ASAP1: variants seen among roughly 807,000 people sequenced by gnomAD.
ASAP1 encodes the protein arf-GAP with SH3 domain, ANK repeat and PH domain-containing protein 1.
ASAP1 carries 43 observed loss-of-function variants against 145.2 expected under a neutral mutation model. The ratio of observed to expected loss-of-function variants is 0.30; its 90% CI spans 0.23 to 0.38. The LOEUF is 0.38. ASAP1 is among the 10% of genes least tolerant of loss of function. ASAP1 has a pLI of 1.00. For synonymous variants in ASAP1, 546 were observed against 515.5 expected, an observed-to-expected ratio of 1.06 and a Z score of -0.80; for missense variants, 1,018 against 1,355.3, an observed-to-expected ratio of 0.75 and a Z score of 3.91.
At chr8:130,254,411 C>T (rs956290283) in intron 3 of ASAP1, among the ~76,000 whole-genome samples, 2 of 152,128 alleles carry the variant, frequency 1.3e-5, no homozygotes, top group Non-Finnish European at 2.9e-5. Flanking sequence ...TGTTATGGTA[C>T]TAATTCAAAG....
chr8:130,214,643 A>C lies in ASAP1; in HGVS notation c.318T>G (p.Phe106Leu). Residue 106 changes from phenylalanine to leucine, a missense_variant, in exon 5 of 30, where the codon TTT (phenylalanine) becomes TTG (leucine). This residue lies in a region of ASAP1 where 106 missense variants were observed against 134.5 expected (regional missense o/e 0.79). Coordinates refer to ENST00000518721, the MANE Select transcript of ASAP1 (RefSeq NM_018482.4). Reference sequence around the variant, plus strand: ...CAAGGTCGGGGTTGTCTCGACTTAAAAAATTACTCCCAAACTTATCAAGAA... The same window carrying C: ...CAAGGTCGGGGTTGTCTCGACTTAACAAATTACTCCCAAACTTATCAAGAA... ...AQVLDKFGSN[F>L]LSRDNPDLGT... is the part of the protein sequence containing the mutation. 6.2e-7 allele frequency: 1 copy of C among 1,612,020 alleles called. No individual in the cohort carries two copies. Among genetic ancestry groups the C allele is most frequent in the Non-Finnish European group, 8.5e-7 (1 of 1,178,814 alleles).
At chr8:130,214,939 C>G (rs1379148561) in intron 4 of ASAP1, among the ~76,000 whole-genome samples, 1 of 151,858 alleles carries the variant, frequency 6.6e-6, no homozygotes, top group Non-Finnish European at 1.5e-5. Context: ...CTCACTCTGT[C>G]TCCCAGGCTG....
intron 13 of ASAP1, among the ~76,000 whole-genome samples, chr8:130,142,803 C>T (rs560617559): frequency 1.3e-5 from 2 of 152,130 alleles, no homozygotes; most frequent in South Asian, 4.2e-4. Context: ...AAGAAACTCA[C>T]ATTCCTATCC....
At chr8:130,368,593 G>A (rs1431839309) in intron 2 of ASAP1, among the ~76,000 whole-genome samples, 3 of 152,194 alleles carry the variant, frequency 2.0e-5, no homozygotes, top group Non-Finnish European at 2.9e-5. Context: ...ACTAGAACAG[G>A]CATTTAACTC....
chr8:130,164,666 A>G (rs2097676353), intron 11 of ASAP1, among the ~76,000 whole-genome samples: 1 of 152,236 alleles, frequency 6.6e-6, no homozygotes, highest in Non-Finnish European at 1.5e-5. Flanking sequence ...TTAAGCTATT[A>G]CAAAAGCTTA....
At chr8:130,220,786 A>ATC (rs1565104070) in intron 4 of ASAP1, among the ~76,000 whole-genome samples, 1 of 152,178 alleles carries the variant, frequency 6.6e-6, no homozygotes, top group Non-Finnish European at 1.5e-5. Context: ...CAGGAAACTT[A>ATC]GAGTCATGGT....
chr8:130,435,334 G>A (rs1266495345), intron 1 of ASAP1, among the ~76,000 whole-genome samples: 1 of 152,230 alleles, frequency 6.6e-6, no homozygotes, highest in African/African-American at 2.4e-5. Context: ...TCAAGCACAT[G>A]CATTTTCTTT....
intron 2 of ASAP1, among the ~76,000 whole-genome samples, chr8:130,391,407 G>A (rs1828279093): frequency 1.3e-5 from 2 of 152,158 alleles, no homozygotes; most frequent in Admixed American, 1.3e-4. Flanking sequence ...CCACTGAATT[G>A]TTCTTAAAAA....
intron 3 of ASAP1, among the ~76,000 whole-genome samples, chr8:130,237,568 T>C (rs764742998): frequency 6.6e-6 from 1 of 151,990 alleles, no homozygotes; most frequent in Non-Finnish European, 1.5e-5. Flanking sequence ...AAAAAACAGG[T>C]TGGAAAATGC....
chr8:130,191,827 G>A (rs1433454212), intron 5 of ASAP1, among the ~76,000 whole-genome samples: 1 of 152,168 alleles, frequency 6.6e-6, no homozygotes, highest in East Asian at 1.9e-4. Context: ...GCTAAATATG[G>A]ATAAGATAAT....
Position 130,167,627 on chromosome 8 carries a change from G to A in ASAP1, c.823-5C>T, listed in dbSNP as rs1565042337. The A allele has an allele frequency of 2.5e-6, 4 of 1,586,518 alleles. No homozygotes were observed. Among genetic ancestry groups the A allele is most frequent in the African/African-American group, 1.4e-5 (1 of 73,798 alleles). ...TTCATCCTGGGTCTGTTTTATCTATGAAAAAAAAATTACTTCTATTACTTA... is the reference window on the plus strand; with the variant it reads ...TTCATCCTGGGTCTGTTTTATCTATAAAAAAAAAATTACTTCTATTACTTA... On this transcript the variant is annotated splice_polypyrimidine_tract_variant and splice_region_variant and intron_variant, in intron 10 of 29. Transcript: ENST00000518721.
chr8:130,404,944 G>C (rs1451190434), intron 1 of ASAP1, among the ~76,000 whole-genome samples: 2 of 151,800 alleles, frequency 1.3e-5, no homozygotes, highest in Non-Finnish European at 2.9e-5. Flanking sequence ...AAGACATGTG[G>C]AGCAGATCCC....
intron 3 of ASAP1, among the ~76,000 whole-genome samples, chr8:130,270,757 G>C (rs1378197509): frequency 6.6e-6 from 1 of 152,116 alleles, no homozygotes; most frequent in Admixed American, 6.5e-5. Flanking sequence ...AAGCTGCTGG[G>C]AAAAAACAGT....
chr8:130,418,779 T>G (rs1404976294), intron 1 of ASAP1, among the ~76,000 whole-genome samples: 2 of 149,304 alleles, frequency 1.3e-5, no homozygotes, highest in Non-Finnish European at 3.0e-5. Flanking sequence ...AATAGGAGTT[T>G]TTTTTTTTTT....
chr8:130,068,156 C>G (rs1020466522), intron 27 of ASAP1, among the ~76,000 whole-genome samples: 1 of 152,142 alleles, frequency 6.6e-6, no homozygotes, highest in South Asian at 2.1e-4. Flanking sequence ...AGTTGGGGCA[C>G]TGGATGCATA....
chr8:130,280,055 CA>C (rs1357223228), intron 3 of ASAP1, among the ~76,000 whole-genome samples: 1 of 152,138 alleles, frequency 6.6e-6, no homozygotes, highest in Non-Finnish European at 1.5e-5. Flanking sequence ...ATTTGGTCAT[CA>C]AAAAGAGATA....
At chr8:130,181,105 A>C (rs1004968616) in intron 7 of ASAP1, among the ~76,000 whole-genome samples, 8 of 152,112 alleles carry the variant, frequency 5.3e-5, no homozygotes, top group African/African-American at 1.9e-4. Flanking sequence ...CTTCTGCTCA[A>C]GAAGGAAGTC....
intron 5 of ASAP1, among the ~76,000 whole-genome samples, chr8:130,207,660 T>C (rs979531981): frequency 1.3e-5 from 2 of 152,206 alleles, no homozygotes; most frequent in South Asian, 2.1e-4. Context: ...ACAGGCCTCA[T>C]TAAAAATCAA....
intron 9 of ASAP1, among the ~76,000 whole-genome samples, chr8:130,173,391 C>A (rs1176626156): frequency 6.6e-6 from 1 of 152,136 alleles, no homozygotes; most frequent in Non-Finnish European, 1.5e-5. Flanking sequence ...CCACGACCTG[C>A]CAAAACATTT....
Sources: gnomAD v4.1 joint callset for allele counts (sites outside exome capture counted in the v4.1 genomes callset) on GRCh38, gnomAD v4.1.1 for gene constraint, gnomAD v4.1.1 regional missense constraint, MANE v1.5 for transcripts, NCBI Gene and HGNC (gene_info 2026-07-23, HGNC 2026-07-21) for gene names.